Variants in RAPH1 observed in about 807,000 individuals in gnomAD.
The protein encoded by RAPH1 is ras-associated and pleckstrin homology domains-containing protein 1.
Under a neutral mutation model 88.1 loss-of-function variants are expected in RAPH1, and 18 were observed. The ratio of observed to expected loss-of-function variants is 0.20; its 90% CI spans 0.14 to 0.30. The LOEUF (loss-of-function observed/expected upper bound fraction) is 0.30, where lower values mean the gene tolerates loss of function less well. Ranked by LOEUF, RAPH1 falls within the 10% of genes least tolerant of loss-of-function variation. RAPH1 has a pLI of 1.00. For missense variants in RAPH1, 1,448 were observed against 1,543.2 expected, an observed-to-expected ratio of 0.94 and a Z score of 1.03; for synonymous variants, 587 against 559.0, an observed-to-expected ratio of 1.05 and a Z score of -0.71.
At chr2:203,468,960 T>C (rs1581300419) in intron 4 of RAPH1, among the ~76,000 whole-genome samples, 2 of 152,172 alleles carry the variant, frequency 1.3e-5, no homozygotes, top group Admixed American at 6.5e-5. Context: ...ACCTGGTAAT[T>C]AGAAGAATGT....
At chr2:203,478,838 C>T (rs1478269803) in intron 4 of RAPH1, among the ~76,000 whole-genome samples, 1 of 152,182 alleles carries the variant, frequency 6.6e-6, no homozygotes, top group Admixed American at 6.5e-5. Flanking sequence ...CACCACAGTG[C>T]CCTAGGCGCT....
At chr2:203,467,751 G>A (rs2098529764) in intron 4 of RAPH1, among the ~76,000 whole-genome samples, 1 of 152,042 alleles carries the variant, frequency 6.6e-6, no homozygotes, top group African/African-American at 2.4e-5. Context: ...AGGAATGACT[G>A]TGGTTTATTT....
intron 4 of RAPH1, among the ~76,000 whole-genome samples, chr2:203,462,530 A>T (rs1386030307): frequency 6.6e-6 from 1 of 152,236 alleles, no homozygotes; most frequent in East Asian, 1.9e-4. Context: ...TCTGCTTTGG[A>T]AAATCATACA....
intron 2 of RAPH1, among the ~76,000 whole-genome samples, chr2:203,491,598 G>A (rs1688271645): frequency 6.6e-6 from 1 of 152,080 alleles, no homozygotes; most frequent in Admixed American, 6.6e-5. Flanking sequence ...TTGGCTCACT[G>A]CAACCTCCGC....
At chr2:203,518,550 C>A (rs1040126090) in intron 1 of RAPH1, among the ~76,000 whole-genome samples, 5 of 133,138 alleles carry the variant, frequency 3.8e-5, no homozygotes, top group South Asian at 5.1e-4. Flanking sequence ...AAAAAAAAAA[C>A]AAAAAACTAC....
At chr2:203,450,266 T>G (rs925274594) in intron 10 of RAPH1, among the ~76,000 whole-genome samples, 3 of 152,186 alleles carry the variant, frequency 2.0e-5, no homozygotes, top group Non-Finnish European at 4.4e-5. Context: ...TTAATTCTAT[T>G]CTTTGCTTTT....
intron 4 of RAPH1, among the ~76,000 whole-genome samples, chr2:203,487,893 C>T (rs1249861982): frequency 6.6e-6 from 1 of 151,894 alleles, no homozygotes; most frequent in Non-Finnish European, 1.5e-5. Flanking sequence ...CAAGAGTTAC[C>T]TACTGATGGA....
At chr2:203,527,288 G>A (rs369617264) in intron 1 of RAPH1, among the ~76,000 whole-genome samples, 53 of 152,000 alleles carry the variant, frequency 3.5e-4, no homozygotes, top group Non-Finnish European at 5.4e-4. Flanking sequence ...CGTCTTCACC[G>A]TGGCCACCTG....
Position 203,441,406 on chromosome 2 carries a change from A to T in RAPH1, c.1784T>A (p.Met595Lys), listed in dbSNP as rs564948157. Residue 595 changes from methionine to lysine, a missense_variant, in exon 14 of 14, where the codon ATG becomes AAG. Met to Lys is a moderately conservative substitution (Grantham distance 95, BLOSUM62 -1). Around this residue, in one of 2 missense-constraint regions of RAPH1, gnomAD observed 935 missense variants for 890.1 expected, o/e 1.05. Coordinates refer to ENST00000319170, the MANE Select transcript of RAPH1 (RefSeq NM_213589.3). ...AGTGTAGGGCCGATTCATAGACTCC[A>T]TTCTGGCCTAAAAGGAGTATAAAAA... ...TQLEESSKAR[M>K]ESMNRPYTSL... 3.9e-6 allele frequency: 6 copies of T among 1,546,040 alleles called. No homozygotes were observed. The highest frequency in any genetic ancestry group is 2.0e-5 in the Admixed American group (1 of 50,370).
chr2:203,492,107 G>A (rs757863166), intron 2 of RAPH1, among the ~76,000 whole-genome samples: 4 of 151,706 alleles, frequency 2.6e-5, no homozygotes, highest in East Asian at 3.9e-4. Flanking sequence ...AGTGGCGGGC[G>A]CCTGTAATCC....
intron 4 of RAPH1, chr2:203,470,373 TTA>T (rs1252548344): frequency 1.8e-5 from 20 of 1,094,378 alleles, no homozygotes; most frequent in Middle Eastern, 4.0e-4. Flanking sequence ...AGTGGAGGTT[TTA>T]TGTGTTTAAA....
At chr2:203,485,614 C>A (rs929562275) in intron 4 of RAPH1, among the ~76,000 whole-genome samples, 11 of 151,954 alleles carry the variant, frequency 7.2e-5, no homozygotes, top group Non-Finnish European at 1.3e-4. Flanking sequence ...AAAAGAATGC[C>A]AGGAGAAGGA....
At chr2:203,468,661 T>G (rs2098530575) in intron 4 of RAPH1, among the ~76,000 whole-genome samples, 1 of 152,182 alleles carries the variant, frequency 6.6e-6, no homozygotes, top group Non-Finnish European at 1.5e-5. Flanking sequence ...CAGGTATATT[T>G]TATGCAATGT....
chr2:203,441,776 C>G, intron 13 of RAPH1: 2 of 1,279,844 alleles, frequency 1.6e-6, no homozygotes, highest in Non-Finnish European at 2.0e-6. Flanking sequence ...TGTGGCGGTC[C>G]TCTGAGCACT....
At position 203,493,552 on chromosome 2, in the gene RAPH1, T is replaced by A. The variant is rs1688369026; in HGVS notation, c.120+1682A>T. On this transcript the variant is annotated intron_variant, in intron 2 of 13. Transcript: ENST00000319170. Reference sequence around the variant, plus strand: ...CTCTATGCTTAAATCACCCTTTTTATAAATTAAGAATTAAAACAGAAAGAA... The same window carrying A: ...CTCTATGCTTAAATCACCCTTTTTAAAAATTAAGAATTAAAACAGAAAGAA... Among the ~76,000 whole-genome samples the A allele has an allele frequency of 3.9e-5, 6 of 152,336 alleles. 1 individual carries two copies. The South Asian group carries it at 1.2e-3, about 32-fold the overall frequency.
chr2:203,473,836 C>A (rs2098535175), intron 4 of RAPH1, among the ~76,000 whole-genome samples: 1 of 152,056 alleles, frequency 6.6e-6, no homozygotes, highest in Non-Finnish European at 1.5e-5. Flanking sequence ...ATTTTCAATC[C>A]ATTTTATTGA....
At chr2:203,508,922 T>C (rs1344017423) in intron 1 of RAPH1, among the ~76,000 whole-genome samples, 2 of 152,174 alleles carry the variant, frequency 1.3e-5, no homozygotes, top group African/African-American at 4.8e-5. Flanking sequence ...TTATTATGTA[T>C]GCATATGCTC....
chr2:203,479,557 G>A (rs1160076066), intron 4 of RAPH1, among the ~76,000 whole-genome samples: 23 of 150,190 alleles, frequency 1.5e-4, no homozygotes, highest in Non-Finnish European at 1.5e-5. Context: ...TCAGTGAGCC[G>A]AGATGGCGCC....
Position 203,489,627 on chromosome 2 carries a change from G to C in RAPH1, c.689C>G (p.Pro230Arg), listed in dbSNP as rs1688151362. The C allele has an allele frequency of 1.2e-6, 2 of 1,609,802 alleles. No individual in the cohort carries two copies. The highest frequency in any genetic ancestry group is 2.7e-5 in the African/African-American group (2 of 74,986). ...DSLDIDKVTR[P>R]QELDLTHQGQ... The stretch of plus-strand genomic sequence containing the variant: ...TTGATGTGTCAAATCCAGCTCTTGA[G>C]GGCGTGTTACTTTATCAATATCCAA... The change falls in exon 4 of 14, where the codon CCT becomes CGT. Residue 230 changes from proline to arginine, a missense_variant. Coordinates refer to ENST00000319170, the MANE Select transcript of RAPH1 (RefSeq NM_213589.3).
Sources: gnomAD v4.1 joint callset for allele counts (sites outside exome capture counted in the v4.1 genomes callset) on GRCh38, gnomAD v4.1.1 for gene constraint, gnomAD v4.1.1 regional missense constraint, MANE v1.5 for transcripts, NCBI Gene and HGNC (gene_info 2026-07-23, HGNC 2026-07-21) for gene names.